PUM1: variants seen among roughly 807,000 people sequenced by gnomAD.
PUM1 encodes pumilio homolog 1.
In PUM1, 13 loss-of-function variants were observed where a neutral mutation model predicts 131.8. The ratio of observed to expected loss-of-function variants is 0.10; its 90% CI spans 0.06 to 0.16. The LOEUF (loss-of-function observed/expected upper bound fraction) is 0.16, where lower values mean the gene tolerates loss of function less well. Among genes scored for constraint, PUM1 ranks in the 10% least tolerant of loss-of-function variants. The pLI, the probability that PUM1 is intolerant of heterozygous loss-of-function variation, is 1.00. For synonymous variants in PUM1, 509 were observed against 556.5 expected, an observed-to-expected ratio of 0.91 and a Z score of 1.20; for missense variants, 961 against 1,512.4, an observed-to-expected ratio of 0.64 and a Z score of 6.05.
intron 5 of PUM1, among the ~76,000 whole-genome samples, chr1:31,002,630 G>T (rs978128351): frequency 1.3e-5 from 2 of 152,096 alleles, no homozygotes; most frequent in African/African-American, 4.8e-5. Context: ...GCTGTGGGGT[G>T]AGCACCTGTT....
At chr1:31,034,782 C>T (rs770095169) in intron 2 of PUM1, among the ~76,000 whole-genome samples, 7 of 152,128 alleles carry the variant, frequency 4.6e-5, no homozygotes, top group Non-Finnish European at 7.3e-5. Flanking sequence ...CATCTCCACA[C>T]CTACTTTTGT....
intron 3 of PUM1, among the ~76,000 whole-genome samples, chr1:31,018,180 T>A (rs1234963181): frequency 6.6e-6 from 1 of 151,852 alleles, no homozygotes; most frequent in Admixed American, 6.6e-5. Context: ...TAAACTCTCA[T>A]CTCTGCTAAA....
intron 9 of PUM1, among the ~76,000 whole-genome samples, chr1:30,975,842 G>T (rs758853086): frequency 6.6e-6 from 1 of 151,998 alleles, no homozygotes; most frequent in Non-Finnish European, 1.5e-5. Context: ...AGCATTACGG[G>T]AGGCCAAGTT....
chr1:30,994,630 A>G (rs1353347234), intron 6 of PUM1, among the ~76,000 whole-genome samples: 2 of 152,218 alleles, frequency 1.3e-5, no homozygotes, highest in Non-Finnish European at 2.9e-5. Context: ...GAGATAATGC[A>G]CAAGTTCTCA....
chr1:31,063,899 G>A (rs1336035945), intron 1 of PUM1, among the ~76,000 whole-genome samples: 1 of 152,128 alleles, frequency 6.6e-6, no homozygotes, highest in Non-Finnish European at 1.5e-5. Flanking sequence ...ATGTTATCTT[G>A]GGTAGTTTTG....
Position 30,980,147 on chromosome 1 carries a change from C to A in PUM1, c.1269G>T (p.Ala423=). The A allele has an allele frequency of 1.2e-6, 2 of 1,613,874 alleles. No individual in the cohort carries two copies. Among genetic ancestry groups the A allele is most frequent in the South Asian group, 1.1e-5 (1 of 91,062 alleles). The part of the protein sequence containing the change: ...HQPHIGLAPA[A]FVPNPYIISA... ...TGATGATGTATGGATTGGGGACAAA[C>A]GCAGCGGGAGCTAAACCTGCTGAAA... The change falls in exon 9 of 22, where the codon GCG becomes GCT. Residue 423 remains alanine (A), a synonymous_variant. Coordinates refer to ENST00000426105, the MANE Select transcript of PUM1 (RefSeq NM_001020658.2).
chr1:31,054,623 A>G (rs1286206479), intron 2 of PUM1, among the ~76,000 whole-genome samples: 1 of 151,878 alleles, frequency 6.6e-6, no homozygotes, highest in Non-Finnish European at 1.5e-5. Context: ...TTCTGTCTCT[A>G]CAGAGATAAT....
intron 5 of PUM1, 56 bp downstream of exon 5, chr1:31,005,794 AGAG>A: frequency 1.5e-4 from 15 of 98,814 alleles, no homozygotes; most frequent in African/African-American, 4.4e-4. Flanking sequence ...GGAAAAAAAG[AGAG>A]AGAGAGAGAG....
intron 3 of PUM1, among the ~76,000 whole-genome samples, chr1:31,012,613 T>C (rs1361689961): frequency 1.5e-5 from 2 of 133,972 alleles, no homozygotes; most frequent in African/African-American, 2.7e-5. Context: ...GAAAACAAAA[T>C]AGAAGTCAAG....
chr1:31,019,909 GT>G (rs201068127), intron 3 of PUM1, among the ~76,000 whole-genome samples: 101 of 145,198 alleles, frequency 7.0e-4, no homozygotes, highest in Middle Eastern at 7.1e-3. Context: ...ACTACACAAG[GT>G]TTTTTTTTTT....
chr1:31,008,094 TC>T (rs1557582908), intron 3 of PUM1, among the ~76,000 whole-genome samples: 1 of 152,192 alleles, frequency 6.6e-6, no homozygotes. Context: ...GTTGAATTTC[TC>T]AGAAGAACAC....
chr1:31,014,005 C>T (rs529190925), intron 3 of PUM1, among the ~76,000 whole-genome samples: 20 of 152,178 alleles, frequency 1.3e-4, no homozygotes, highest in Middle Eastern at 3.4e-3. Flanking sequence ...AAACTACATA[C>T]GTATCAAAAG....
intron 3 of PUM1, among the ~76,000 whole-genome samples, chr1:31,013,475 C>T (rs1477962393): frequency 6.6e-6 from 1 of 152,192 alleles, no homozygotes; most frequent in Non-Finnish European, 1.5e-5. Context: ...GATGTTACAA[C>T]CCTGCAGACG....
intron 16 of PUM1, among the ~76,000 whole-genome samples, chr1:30,950,776 G>A (rs924032453): frequency 2.6e-5 from 4 of 152,146 alleles, no homozygotes; most frequent in South Asian, 2.1e-4. Context: ...CAGGAGAATC[G>A]CTTGAACCCA....
Position 30,952,383 on chromosome 1 carries a change from G to A in PUM1, c.2592-20C>T. ...ATGAATCTGAAGTACAAAGTAAAAA[G>A]GGCAATCACAGCACTGAAGGAAGAC... On this transcript the variant is annotated intron_variant, in intron 15 of 21. Transcript: ENST00000426105. The A allele has an allele frequency of 6.2e-7, 1 of 1,613,628 alleles. No homozygotes were observed.
chr1:30,952,518 A>T (rs1170434047), intron 15 of PUM1, among the ~76,000 whole-genome samples, 155 bp from the exon 16 acceptor site: 1 of 152,152 alleles, frequency 6.6e-6, no homozygotes, highest in African/African-American at 2.4e-5. Context: ...TATTTGAATG[A>T]ATCACTTGAA....
At chr1:31,008,769 C>T (rs545317755) in intron 3 of PUM1, among the ~76,000 whole-genome samples, 4 of 152,126 alleles carry the variant, frequency 2.6e-5, no homozygotes, top group East Asian at 1.9e-4. Flanking sequence ...GGCAAAACAG[C>T]GGTCAAACCA....
intron 17 of PUM1, among the ~76,000 whole-genome samples, chr1:30,948,842 A>T (rs1472870757): frequency 6.6e-6 from 1 of 152,242 alleles, no homozygotes; most frequent in Non-Finnish European, 1.5e-5. Flanking sequence ...AATGATCTGA[A>T]CATTAAAAGA....
intron 21 of PUM1, 41 bp downstream of exon 21, chr1:30,936,602 C>T (rs560223801): frequency 5.6e-5 from 88 of 1,565,000 alleles, no homozygotes; most frequent in Non-Finnish European, 7.3e-5. Context: ...GAAGCCAAGG[C>T]CTTGCACACT....
Sources: gnomAD v4.1 joint callset for allele counts (sites outside exome capture counted in the v4.1 genomes callset) on GRCh38, gnomAD v4.1.1 for gene constraint, MANE v1.5 for transcripts, NCBI Gene and HGNC (gene_info 2026-07-23, HGNC 2026-07-21) for gene names.